Variants in MGA observed in about 807,000 individuals in gnomAD.
MGA encodes MAX gene-associated protein.
In MGA, 40 loss-of-function variants were observed where a neutral mutation model predicts 261.1. The ratio of observed to expected loss-of-function variants is 0.15; its 90% confidence interval spans 0.12 to 0.20. MGA has a LOEUF of 0.20. Among genes scored for constraint, MGA ranks in the 10% least tolerant of loss-of-function variants. The pLI is 1.00. For missense variants in MGA, 3,397 were observed against 3,630.5 expected, an observed-to-expected ratio of 0.94 and a Z score of 1.65; for synonymous variants, 1,302 against 1,290.6, an observed-to-expected ratio of 1.01 and a Z score of -0.19.
intron 19 of MGA, among the ~76,000 whole-genome samples, chr15:41,758,906 A>C (rs1300378824): frequency 6.6e-6 from 1 of 152,206 alleles, no homozygotes; most frequent in Non-Finnish European, 1.5e-5. Flanking sequence ...TTCACTTTGT[A>C]TGAGTAGTGT....
At chr15:41,677,321 T>A (rs1480321591) in intron 2 of MGA, among the ~76,000 whole-genome samples, 1 of 152,130 alleles carries the variant, frequency 6.6e-6, no homozygotes, top group Non-Finnish European at 1.5e-5. Context: ...TTTGTATTTT[T>A]ATTAGAGGTG....
At chr15:41,729,419 C>G (rs756656507) in intron 11 of MGA, 70 bp downstream of exon 11, 48 of 1,399,960 alleles carry the variant, frequency 3.4e-5, no homozygotes, top group Non-Finnish European at 4.2e-5. Context: ...ATTTGTATTA[C>G]TATCAGAATA....
intron 9 of MGA, among the ~76,000 whole-genome samples, chr15:41,723,582 A>C (rs954351610): frequency 1.1e-4 from 17 of 151,882 alleles, no homozygotes; most frequent in African/African-American, 3.9e-4. Context: ...TGCCCAGCTA[A>C]AGCTTTTTAT....
chr15:41,696,965 A>T lies in MGA; in HGVS notation c.1955A>T (p.Asp652Val), dbSNP rs1363632516. Residue 652 changes from aspartate to valine, a missense_variant, in exon 3 of 24, where the codon GAT becomes GTT. Asp to Val is a radical substitution (Grantham distance 152, BLOSUM62 -3). Coordinates refer to ENST00000219905, the MANE Select transcript of MGA (RefSeq NM_001164273.2). ...GTAAGCCCTGGGAGTACCTTTCCAG[A>T]TGTGAAGCCTGATCTGGAAGATGTG... 2.5e-6 allele frequency: 4 copies of T among 1,600,636 alleles called. No individual in the cohort carries two copies. Among genetic ancestry groups the T allele is most frequent in the Non-Finnish European group, 2.6e-6 (3 of 1,174,148 alleles).
chr15:41,694,675 C>A (rs552856579), intron 2 of MGA, among the ~76,000 whole-genome samples: 61 of 151,908 alleles, frequency 4.0e-4, no homozygotes, highest in Non-Finnish European at 7.4e-4. Context: ...TACAGGCGCC[C>A]GCCACCACGC....
In MGA at chr15:41,711,059, G is replaced by A. The variant is rs1444791882; in HGVS notation, c.2794G>A (p.Val932Met). The change falls in exon 8 of 24, where the codon GTG (valine) becomes ATG (methionine). Residue 932 changes from valine (V) to methionine (M), a missense_variant. Transcript: ENST00000219905. ...TTCACCAAAGCAGAAATACTCTCAT[G>A]TGATTCTAGGAGATAAGGTTACCAA... 1 of 1,614,006 alleles carries A rather than the reference G, an allele frequency of 6.2e-7. No individual in the cohort carries two copies. Among genetic ancestry groups the A allele is most frequent in the Non-Finnish European group, 8.5e-7 (1 of 1,179,888 alleles).
chr15:41,690,671 A>G (rs1053434983), intron 2 of MGA, among the ~76,000 whole-genome samples: 1 of 152,154 alleles, frequency 6.6e-6, no homozygotes, highest in Non-Finnish European at 1.5e-5. Context: ...CCTGGTCAAC[A>G]TGGTGAAACC....
At chr15:41,664,366 G>A (rs998085299) in intron 1 of MGA, among the ~76,000 whole-genome samples, 1 of 152,136 alleles carries the variant, frequency 6.6e-6, no homozygotes, top group African/African-American at 2.4e-5. Context: ...TTTGTCAACT[G>A]CATCTTTGAC....
intron 7 of MGA, among the ~76,000 whole-genome samples, 186 bp downstream of exon 7, chr15:41,708,394 T>C (rs535725945): frequency 6.6e-6 from 1 of 152,148 alleles, no homozygotes; most frequent in South Asian, 2.1e-4. Context: ...CTTGACTCAC[T>C]GCAACCTCCA....
chr15:41,708,309 A>G lies in MGA; in HGVS notation c.2425+101A>G. 3 of 884,320 alleles carry G rather than the reference A, an allele frequency of 3.4e-6. No homozygotes were observed. The East Asian group carries it at 8.0e-5, about 24-fold the overall frequency. The allele number at this position is 884,320 out of a possible 1,614,324, so 54.8% of individuals were successfully genotyped here. A position where few individuals can be genotyped will look rare whatever the true frequency, so the allele number is the denominator to read the frequency against. On this transcript the variant is annotated intron_variant, in intron 7 of 23. Coordinates refer to ENST00000219905, the MANE Select transcript of MGA (RefSeq NM_001164273.2). ...TTGTTTTTCTTCATTCCTTCTCGCC[A>G]TGGGTTTTTTGTTGTTGTTGTTGTT... is the stretch of plus-strand genomic sequence containing the variant.
rs766167292 is a variant in MGA, at chr15:41,766,987, A to G, written c.8905A>G (p.Met2969Val). Reference sequence around the variant, plus strand: ...TGTGTCCTCACCCCCCACCCTACACATGAAGACTGGCTTGGAGAACAGCAA... The same window carrying G: ...TGTGTCCTCACCCCCCACCCTACACGTGAAGACTGGCTTGGAGAACAGCAA... The change falls in exon 24 of 24, where the codon ATG (methionine) becomes GTG (valine). Residue 2969 changes from methionine (M) to valine (V), a missense_variant. Physicochemically the swap from Met to Val is conservative, Grantham distance 21. Coordinates refer to ENST00000219905, the MANE Select transcript of MGA (RefSeq NM_001164273.2). 4.3e-6 allele frequency: 7 copies of G among 1,613,844 alleles called. No homozygotes were observed. The highest frequency in any genetic ancestry group is 1.7e-5 in the Admixed American group (1 of 59,998).
At chr15:41,645,512 A>G (rs1363514379) in intron 1 of MGA, among the ~76,000 whole-genome samples, 3 of 152,202 alleles carry the variant, frequency 2.0e-5, no homozygotes, top group African/African-American at 4.8e-5. Context: ...TGAACCTGGG[A>G]GGTGGAGGTT....
rs760287422 is a variant in MGA, at chr15:41,749,699, A to G, written c.6092A>G (p.His2031Arg). ...GATTCCTTGGAAGATAGGGGTGATC[A>G]TTTGGATGAAGAATGCCTTCCAGAA... Residue 2031 changes from histidine (H) to arginine (R), a missense_variant, in exon 17 of 24, where the codon CAT becomes CGT. By Grantham distance (29) the His-to-Arg change is conservative (BLOSUM62 0). Around this residue, in one of 9 missense-constraint regions of MGA, gnomAD observed 1,410 missense variants for 1,386.4 expected, o/e 1.02. Coordinates refer to ENST00000219905, the MANE Select transcript of MGA (RefSeq NM_001164273.2). The G allele has an allele frequency of 7.4e-6, 12 of 1,613,908 alleles. No individual in the cohort carries two copies. The highest frequency in any genetic ancestry group is 1.3e-5 in the African/African-American group (1 of 74,932).
At chr15:41,656,757 T>C (rs1034121843), upstream of MGA, among the ~76,000 whole-genome samples, 4 of 152,096 alleles carry the variant, frequency 2.6e-5, no homozygotes, top group Non-Finnish European at 5.9e-5. Context: ...ATTACTATGC[T>C]GATTAAGAAA....
intron 20 of MGA, 25 bp from the exon 21 acceptor site, chr15:41,761,714 A>T (rs765211209): frequency 7.0e-7 from 1 of 1,438,514 alleles, no homozygotes; most frequent in South Asian, 1.2e-5. Context: ...ATCAATTTTC[A>T]ATAATACCAC....
intron 1 of MGA, among the ~76,000 whole-genome samples, chr15:41,635,585 A>G (rs1367167214): frequency 6.6e-6 from 1 of 151,954 alleles, no homozygotes; most frequent in East Asian, 1.9e-4. Context: ...GGGCCCAGGT[A>G]CGTGGGAGGC....
At chr15:41,662,874 GT>G (rs1421726408) in intron 1 of MGA, among the ~76,000 whole-genome samples, 2 of 152,158 alleles carry the variant, frequency 1.3e-5, no homozygotes, top group African/African-American at 4.8e-5. Flanking sequence ...TGTATGAAAG[GT>G]TGTAGAAGTT....
At chr15:41,678,987 A>G (rs1051880053) in intron 2 of MGA, among the ~76,000 whole-genome samples, 2 of 151,850 alleles carry the variant, frequency 1.3e-5, no homozygotes, top group African/African-American at 4.8e-5. Context: ...CTTTGTTCTT[A>G]TTTTTCAAAA....
intron 2 of MGA, among the ~76,000 whole-genome samples, chr15:41,683,289 G>A (rs1033710933): frequency 2.0e-5 from 3 of 151,970 alleles, no homozygotes; most frequent in African/African-American, 7.3e-5. Context: ...CACAATCCAT[G>A]GCTCACTGCA....
Sources: allele counts gnomAD v4.1 joint callset (sites outside exome capture counted in the v4.1 genomes callset), GRCh38; gene constraint gnomAD v4.1.1; regional missense constraint gnomAD v4.1.1; transcripts MANE v1.5; gene names NCBI Gene and HGNC (gene_info 2026-07-23, HGNC 2026-07-21).